The following MET variants were observed in gnomAD, a reference collection of about 807,000 sequenced individuals.
MET encodes the protein hepatocyte growth factor receptor.
A neutral mutation model predicts 133.1 loss-of-function variants in MET; 48 were observed. The observed-to-expected ratio is 0.36, with a 90% CI of 0.29 to 0.46. The LOEUF (loss-of-function observed/expected upper bound fraction) is 0.46. Among genes scored for constraint, MET ranks in the 20% least tolerant of loss-of-function variants. The pLI is 1.00. For missense variants in MET, 1,442 were observed against 1,695.9 expected, an observed-to-expected ratio of 0.85 and a Z score of 2.63; for synonymous variants, 628 against 616.5, an observed-to-expected ratio of 1.02 and a Z score of -0.28.
chr7:116,727,374 T>C (rs574769607), intron 2 of MET, among the ~76,000 whole-genome samples: 2 of 151,958 alleles, frequency 1.3e-5, no homozygotes, highest in Admixed American at 1.3e-4. Context: ...TCCTGAGGAG[T>C]GTGATAAAAC....
At position 116,775,082 on chromosome 7, in the gene MET, T is replaced by C. The variant is rs1177400289; in HGVS notation, c.3230T>C (p.Ile1077Thr). The change falls in exon 15 of 21, where the codon ATT becomes ACT. Residue 1077 changes from isoleucine (I) to threonine (T), a missense_variant. Coordinates refer to ENST00000397752, the MANE Select transcript of MET (RefSeq NM_000245.4). ...QHVVIGPSSL[I>T]VHFNEVIGRG... ...GTAGTGATTGGGCCCAGTAGCCTGA[T>C]TGTGCATTTCAATGAAGTCATAGGA... 2.5e-6 allele frequency: 4 copies of C among 1,614,156 alleles called. No individual in the cohort carries two copies. The highest frequency in any genetic ancestry group is 1.1e-5 in the South Asian group (1 of 91,082).
intron 19 of MET, among the ~76,000 whole-genome samples, chr7:116,793,176 T>G (rs1156842060): frequency 7.0e-6 from 1 of 143,812 alleles, no homozygotes; most frequent in African/African-American, 2.5e-5. Flanking sequence ...TAACGCACTT[T>G]CTTTTTTTTT....
rs1451718723 is a variant in MET, at chr7:116,769,686, A to G, written c.2625A>G (p.Leu875=). ...IDPEAVKGEV[L]KVGNKSCENI... is the part of the protein sequence containing the mutation. ...CTGAAGCAGTTAAAGGTGAAGTGTT[A>G]AAAGTTGGAAATAAGAGCTGTGAGA... Residue 875 remains leucine, a synonymous_variant, in exon 12 of 21, where the codon TTA becomes TTG. Transcript: ENST00000397752. 1 of 1,613,264 alleles carries G rather than the reference A, an allele frequency of 6.2e-7. No individual in the cohort carries two copies. The highest frequency in any genetic ancestry group is 1.7e-5 in the Admixed American group (1 of 59,916).
chr7:116,747,750 T>A (rs192775415), intron 5 of MET, among the ~76,000 whole-genome samples: 2,763 of 152,296 alleles, frequency 0.018, 83 homozygotes, highest in African/African-American at 0.064. Flanking sequence ...ATCCAGGACT[T>A]GAACTCGGCT....
chr7:116,701,601 A>G (rs1372219444), intron 2 of MET, among the ~76,000 whole-genome samples: 2 of 152,154 alleles, frequency 1.3e-5, no homozygotes, highest in East Asian at 1.9e-4. Flanking sequence ...GAATATACAT[A>G]ACATAAATGC....
At chr7:116,776,328 T>C (rs987553968) in intron 15 of MET, among the ~76,000 whole-genome samples, 3 of 152,210 alleles carry the variant, frequency 2.0e-5, no homozygotes, top group African/African-American at 7.2e-5. Flanking sequence ...TTAACAAACA[T>C]CTTTCCATTT....
intron 2 of MET, among the ~76,000 whole-genome samples, chr7:116,726,776 C>A (rs568966871): frequency 1.1e-4 from 16 of 152,204 alleles, no homozygotes; most frequent in Non-Finnish European, 2.2e-4. Context: ...GGAGCTTAGA[C>A]TTTTCCTGCA....
chr7:116,694,918 C>CA (rs1273819384), intron 1 of MET, among the ~76,000 whole-genome samples: 1 of 152,054 alleles, frequency 6.6e-6, no homozygotes, highest in Non-Finnish European at 1.5e-5. Context: ...ATCTCCTGAC[C>CA]ACGTGATCCA....
Position 116,700,081 on chromosome 7 carries a change from A to G in MET, c.997A>G (p.Ile333Val). The G allele has an allele frequency of 6.2e-7, 1 of 1,612,840 alleles. No individual in the cohort carries two copies. The highest frequency in any genetic ancestry group is 8.5e-7 in the Non-Finnish European group (1 of 1,179,576). ...SKPGAQLARQ[I>V]GASLNDDILF... is the part of the protein sequence containing the mutation. ...GCCTGGGGCCCAGCTTGCTAGACAA[A>G]TAGGAGCCAGCCTGAATGATGACAT... is the stretch of plus-strand genomic sequence containing the variant. The change falls in exon 2 of 21, where the codon ATA becomes GTA. Residue 333 changes from isoleucine (I) to valine (V), a missense_variant. Ile to Val is a conservative substitution (Grantham distance 29, BLOSUM62 3). Transcript: ENST00000397752.
chr7:116,705,674 G>A (rs1031750115), intron 2 of MET, among the ~76,000 whole-genome samples: 1 of 152,120 alleles, frequency 6.6e-6, no homozygotes, highest in Non-Finnish European at 1.5e-5. Context: ...AATCCTTGAG[G>A]TATAAAGATT....
chr7:116,754,905 AAG>A (rs1794076021), intron 5 of MET, among the ~76,000 whole-genome samples: 1 of 86,662 alleles, frequency 1.2e-5, no homozygotes, highest in African/African-American at 3.3e-5. Flanking sequence ...GAAAGAAAGA[AAG>A]AAAGAAAGAA....
intron 15 of MET, among the ~76,000 whole-genome samples, 157 bp from the exon 16 acceptor site, chr7:116,777,232 C>T (rs1795021648): frequency 6.6e-6 from 1 of 152,162 alleles, no homozygotes; most frequent in Non-Finnish European, 1.5e-5. Flanking sequence ...AACACACCTA[C>T]GTACCTATAG....
intron 5 of MET, among the ~76,000 whole-genome samples, chr7:116,753,905 G>A (rs1584936462): frequency 6.6e-6 from 1 of 152,190 alleles, no homozygotes; most frequent in Non-Finnish European, 1.5e-5. Context: ...AGTGCCTGGT[G>A]CATAGGAGGT....
chr7:116,757,527 A>C lies in MET; in HGVS notation c.1953A>C (p.Thr651=). 6.2e-7 allele frequency: 1 copy of C among 1,613,698 alleles called. No homozygotes were observed. The highest frequency in any genetic ancestry group is 8.5e-7 in the Non-Finnish European group (1 of 1,179,694). ...SNGHGTTQYS[T]FSYVDPVITS... ...GCCACGGGACAACACAATACAGTAC[A>C]TTCTCCTATGTGGTAAGGAAGATTC... The change falls in exon 7 of 21, where the codon ACA becomes ACC. Residue 651 remains threonine (T), a synonymous_variant. Coordinates refer to ENST00000397752, the MANE Select transcript of MET (RefSeq NM_000245.4).
At chr7:116,722,204 T>A (rs1323315146) in intron 2 of MET, among the ~76,000 whole-genome samples, 3 of 151,876 alleles carry the variant, frequency 2.0e-5, no homozygotes, top group Non-Finnish European at 4.4e-5. Flanking sequence ...GATAGTTAGC[T>A]CTTCTTGTTG....
chr7:116,777,343 T>C, intron 15 of MET, 46 bp from the exon 16 acceptor site: 1 of 1,431,936 alleles, frequency 7.0e-7, no homozygotes, highest in East Asian at 2.3e-5. Context: ...AATTATTTCA[T>C]AATTAAATGT....
Position 116,733,793 on chromosome 7 carries a change from G to A in MET, c.1392+1934G>A, listed in dbSNP as rs553496094. 2.6e-4 allele frequency among the ~76,000 whole-genome samples: 39 copies of A among 151,918 alleles called. 2 individuals carry two copies. Among genetic ancestry groups the A allele is most frequent in the Admixed American group, 2.2e-3 (33 of 15,264 alleles). ...CCTAACTTTGCTTTACTATACAAAC[G>A]AATGAAGCAAAGGAAACAGTGACAC... On this transcript the variant is annotated intron_variant, in intron 3 of 20. Transcript: ENST00000397752.
intron 12 of MET, among the ~76,000 whole-genome samples, chr7:116,770,176 A>T (rs1794787732): frequency 6.6e-6 from 1 of 152,214 alleles, no homozygotes; most frequent in Non-Finnish European, 1.5e-5. Flanking sequence ...GAGTCCCATA[A>T]ATAAAGGAAG....
At chr7:116,678,948 A>G (rs714180) in intron 1 of MET, among the ~76,000 whole-genome samples, 91,599 of 151,964 alleles carry the variant, frequency 0.6, 29,459 homozygotes, top group African/African-American at 0.83. Flanking sequence ...CTAAGCGTCA[A>G]TAAACAGCAT....
Sources: gnomAD v4.1 joint callset for allele counts (sites outside exome capture counted in the v4.1 genomes callset) on GRCh38, gnomAD v4.1.1 for gene constraint, MANE v1.5 for transcripts, NCBI Gene and HGNC (gene_info 2026-07-23, HGNC 2026-07-21) for gene names.